The following PLPPR5 variants were observed in gnomAD, a reference collection of about 807,000 sequenced individuals.
PLPPR5 encodes phospholipid phosphatase related 5, also known as phospholipid phosphatase-related protein type 5.
PLPPR5 carries 16 observed loss-of-function variants against 33.9 expected under a neutral mutation model. The observed-to-expected ratio is 0.47, with a 90% CI of 0.32 to 0.72. The LOEUF is 0.72. Among genes scored for constraint, PLPPR5 ranks in the 30% least tolerant of loss-of-function variants. PLPPR5 has a pLI of 0.03. For synonymous variants in PLPPR5, 163 were observed against 150.3 expected (o/e 1.08, Z -0.62); for missense variants, 301 against 406.7 (o/e 0.74, Z 2.23).
chr1:98,983,301 T>C (rs1268021476), intron 1 of PLPPR5, among the ~76,000 whole-genome samples: 3 of 135,740 alleles, frequency 2.2e-5, no homozygotes, highest in Non-Finnish European at 4.7e-5. Context: ...TGTGATCTCA[T>C]TGTTCAATTC....
At chr1:98,922,275 CTT>C (rs1471069656) in intron 3 of PLPPR5, among the ~76,000 whole-genome samples, 5 of 152,184 alleles carry the variant, frequency 3.3e-5, no homozygotes, top group Non-Finnish European at 7.3e-5. Context: ...ATGGCAATCT[CTT>C]ACAAATGGCC....
intron 3 of PLPPR5, among the ~76,000 whole-genome samples, chr1:98,929,748 TC>T (rs906167657): frequency 1.3e-5 from 2 of 152,148 alleles, no homozygotes; most frequent in African/African-American, 2.4e-5. Flanking sequence ...CCAGTATGAC[TC>T]CCCCCTGACC....
upstream of PLPPR5, among the ~76,000 whole-genome samples, chr1:99,005,735 G>A (rs1158971293): frequency 3.3e-5 from 5 of 152,124 alleles, no homozygotes; most frequent in Admixed American, 6.5e-5. Context: ...GATTCCTCAG[G>A]GGTCGGGATA....
intron 1 of PLPPR5, among the ~76,000 whole-genome samples, chr1:98,969,445 C>T (rs747740501): frequency 6.6e-6 from 1 of 151,852 alleles, no homozygotes; most frequent in South Asian, 2.1e-4. Context: ...TAAAAGGTAA[C>T]CCAGGTAGGA....
chr1:98,975,000 G>T (rs1031602772), intron 1 of PLPPR5, among the ~76,000 whole-genome samples: 6 of 151,964 alleles, frequency 3.9e-5, no homozygotes, highest in African/African-American at 1.4e-4. Context: ...ACACCCATCT[G>T]CTCCTAGATT....
In PLPPR5 at chr1:98,932,085, GC is replaced by G. The variant is rs564549998; in HGVS notation, c.622-10028del. The stretch of plus-strand genomic sequence containing the variant: ...AGGAATAAAACATAACAAGTCTCAG[GC>G]CTCAGTGGCCAACAGAAGTTTCTAG... On this transcript the variant is annotated intron_variant, in intron 3 of 5. Coordinates refer to ENST00000263177, the MANE Select transcript of PLPPR5 (RefSeq NM_001037317.2). Among the ~76,000 whole-genome samples the G allele has an allele frequency of 3.3e-3, 508 of 152,274 alleles. 1 individual carries two copies. Among genetic ancestry groups the G allele is most frequent in the Non-Finnish European group, 5.0e-3 (338 of 68,012 alleles).
At chr1:99,004,186 C>T (rs761762859) in intron 1 of PLPPR5, 3 of 533,986 alleles carry the variant, frequency 5.6e-6, no homozygotes, top group African/African-American at 1.9e-5. Flanking sequence ...TCCCTTCCAT[C>T]CCCGCCCAGT....
chr1:98,920,969 CATACTT>C (rs1373723567), intron 4 of PLPPR5, among the ~76,000 whole-genome samples: 31 of 152,020 alleles, frequency 2.0e-4, no homozygotes, highest in African/African-American at 5.6e-4. Context: ...ATTATATACT[CATACTT>C]ATAAAATGTT....
intron 1 of PLPPR5, among the ~76,000 whole-genome samples, chr1:98,985,224 T>G (rs1438941927): frequency 2.0e-5 from 3 of 151,988 alleles, no homozygotes; most frequent in African/African-American, 7.2e-5. Context: ...GGGAGAGGAT[T>G]GATAATAACT....
At chr1:98,932,579 G>C (rs897475025) in intron 3 of PLPPR5, among the ~76,000 whole-genome samples, 1 of 152,142 alleles carries the variant, frequency 6.6e-6, no homozygotes, top group East Asian at 1.9e-4. Flanking sequence ...CATTACTTTA[G>C]CTATTTTTTA....
At position 98,972,056 on chromosome 1, in the gene PLPPR5, T is replaced by C. The variant is rs76886831; in HGVS notation, c.238-15315A>G. Among the ~76,000 whole-genome samples the C allele has an allele frequency of 6.1e-3, 933 of 152,156 alleles. 15 individuals carry two copies. The highest frequency in any genetic ancestry group is 0.022 in the African/African-American group (906 of 41,552). On this transcript the variant is annotated intron_variant, in intron 1 of 5. Coordinates refer to ENST00000263177, the MANE Select transcript of PLPPR5 (RefSeq NM_001037317.2). ...CCTCTGACTTAACTATGGAGGATCA[T>C]GAGTGGTGTTGGGCCCAAACGAACC...
At chr1:98,940,481 G>C (rs1218563555) in intron 3 of PLPPR5, among the ~76,000 whole-genome samples, 2 of 151,940 alleles carry the variant, frequency 1.3e-5, no homozygotes, top group African/African-American at 2.4e-5. Context: ...TCCATAACTG[G>C]AGGGAAGACA....
rs1047693229 is a variant in PLPPR5, at chr1:98,892,097, G to T, written c.*975C>A. On this transcript the variant is annotated 3_prime_UTR_variant, in exon 6 of 6. Coordinates refer to ENST00000263177, the MANE Select transcript of PLPPR5 (RefSeq NM_001037317.2). ...GTAAACTATAAAGTACTACACAAAT[G>T]CAAAGTAAAATACATTAACCATATT... 2.6e-5 allele frequency: 4 copies of T among 152,036 alleles called. No individual in the cohort carries two copies. The highest frequency in any genetic ancestry group is 2.0e-4 in the Admixed American group (3 of 15,222). 9.4% of individuals were successfully genotyped at this position (152,036 alleles called of 1,614,324 possible). A position where few individuals can be genotyped will look rare whatever the true frequency, so the allele number is the denominator to read the frequency against.
intron 1 of PLPPR5, among the ~76,000 whole-genome samples, chr1:98,983,045 G>A (rs1200465574): frequency 2.6e-5 from 4 of 151,888 alleles, no homozygotes; most frequent in Non-Finnish European, 5.9e-5. Context: ...CTAACTGATA[G>A]CTGTTGCAGT....
chr1:98,910,919 GA>G (rs1649123259), intron 5 of PLPPR5, among the ~76,000 whole-genome samples: 1 of 147,106 alleles, frequency 6.8e-6, no homozygotes, highest in African/African-American at 2.5e-5. Context: ...ATCGGTGTTA[GA>G]AAGAAATGAT....
At chr1:98,953,006 T>C (rs1374067705) in intron 3 of PLPPR5, 64 bp downstream of exon 3, 1 of 1,576,736 alleles carries the variant, frequency 6.3e-7, no homozygotes, top group East Asian at 2.3e-5. Context: ...AGAAAAAGAA[T>C]TTCTACATTG....
At chr1:98,904,112 A>G (rs776103825) in intron 5 of PLPPR5, among the ~76,000 whole-genome samples, 3 of 152,070 alleles carry the variant, frequency 2.0e-5, no homozygotes, top group Non-Finnish European at 4.4e-5. Flanking sequence ...AGCTATCGTC[A>G]CTTCTTATCA....
At chr1:98,915,489 G>A (rs528450796) in intron 4 of PLPPR5, among the ~76,000 whole-genome samples, 4 of 151,456 alleles carry the variant, frequency 2.6e-5, no homozygotes, top group African/African-American at 9.7e-5. Context: ...AAAACCCTCC[G>A]CATAAAACAT....
intron 3 of PLPPR5, among the ~76,000 whole-genome samples, chr1:98,935,036 G>C (rs1650125541): frequency 6.6e-6 from 1 of 152,166 alleles, no homozygotes; most frequent in South Asian, 2.1e-4. Flanking sequence ...TCACAGAGGG[G>C]CTTCTGGAGC....
Sources: allele counts gnomAD v4.1 joint callset (sites outside exome capture counted in the v4.1 genomes callset), GRCh38; gene constraint gnomAD v4.1.1; transcripts MANE v1.5; gene names NCBI Gene and HGNC (gene_info 2026-07-23, HGNC 2026-07-21).